Variants in CEACAM20 observed in about 807,000 individuals in gnomAD.
CEACAM20 encodes CEA cell adhesion molecule 20.
CEACAM20 carries 50 observed loss-of-function variants against 61.2 expected under a neutral mutation model. The ratio of observed to expected loss-of-function variants is 0.82; its 90% confidence interval spans 0.65 to 1.03. The LOEUF is 1.03. Ranked by LOEUF, CEACAM20 falls within the 50% of genes least tolerant of loss-of-function variation. CEACAM20 has a pLI of 0.00. For synonymous variants in CEACAM20, 282 were observed against 287.7 expected, an observed-to-expected ratio of 0.98 and a Z score of 0.20; for missense variants, 683 against 736.4, an observed-to-expected ratio of 0.93 and a Z score of 0.84.
intron 11 of CEACAM20, among the ~76,000 whole-genome samples, chr19:44,510,611 A>AGAAAGAAAGAAAGAAAGAAAGG (rs71171251): frequency 2.8e-5 from 2 of 72,382 alleles, no homozygotes; most frequent in African/African-American, 1.3e-4. Flanking sequence ...AAAGAAAGAA[A>AGAAAGAAAGAAAGAAAGAAAGG]AAGGAAGGAA....
chr19:44,529,424 C>T (rs772828809), intron 1 of CEACAM20, 34 bp downstream of exon 1: 1 of 1,604,018 alleles, frequency 6.2e-7, no homozygotes, highest in Non-Finnish European at 8.5e-7. Flanking sequence ...TACAACCTCC[C>T]TCCTCCCGCA....
chr19:44,519,557 C>T (rs1473206713), intron 5 of CEACAM20, among the ~76,000 whole-genome samples: 1 of 152,198 alleles, frequency 6.6e-6, no homozygotes, highest in African/African-American at 2.4e-5. Context: ...TGGTTCGTGA[C>T]TCCTACATCC....
chr19:44,509,804 A>G (rs1218120663), intron 11 of CEACAM20, among the ~76,000 whole-genome samples: 1 of 152,206 alleles, frequency 6.6e-6, no homozygotes, highest in East Asian at 1.9e-4. Context: ...GGAAAAAAGA[A>G]AAATTGAATG....
At position 44,522,635 on chromosome 19, in the gene CEACAM20, A is replaced by G; in HGVS notation, c.750T>C (p.Leu250=). The G allele has an allele frequency of 1.2e-6, 2 of 1,611,572 alleles. No homozygotes were observed. The highest frequency in any genetic ancestry group is 1.7e-6 in the Non-Finnish European group (2 of 1,178,244). ...GAGGAACCGGGAAAGGAGACTCACC[A>G]AGTACTCGGACCTTCAGAGTACCCA... is the stretch of plus-strand genomic sequence containing the variant. ...SSLGTLKVRV[L]ETLTMPQVVP... Residue 250 remains leucine, a splice_region_variant and synonymous_variant, in exon 4 of 12, where the codon CTT becomes CTC. Coordinates refer to ENST00000614924, the MANE Select transcript of CEACAM20 (RefSeq NM_001102597.3).
At chr19:44,526,547 C>T (rs1162507484) in intron 1 of CEACAM20, among the ~76,000 whole-genome samples, 1 of 150,466 alleles carries the variant, frequency 6.6e-6, no homozygotes, top group Admixed American at 6.7e-5. Flanking sequence ...TCCCAGTTTT[C>T]CATTTGATCA....
intron 6 of CEACAM20, 96 bp downstream of exon 6, chr19:44,516,850 A>G: frequency 1.4e-6 from 2 of 1,396,118 alleles, no homozygotes; most frequent in Non-Finnish European, 9.7e-7. Context: ...GGAGACTGCC[A>G]CACTCCAGCC....
intron 1 of CEACAM20, 86 bp from the exon 2 acceptor site, chr19:44,525,330 T>C (rs1276566858): frequency 8.9e-6 from 12 of 1,351,514 alleles, no homozygotes; most frequent in Non-Finnish European, 1.2e-5. Context: ...CAGGGAGCTC[T>C]GAGGCCATAG....
At chr19:44,516,647 G>C (rs1342750760) in intron 6 of CEACAM20, among the ~76,000 whole-genome samples, 1 of 152,184 alleles carries the variant, frequency 6.6e-6, no homozygotes, top group East Asian at 1.9e-4. Flanking sequence ...CCAGTCTTCA[G>C]CATGTCTTTA....
chr19:44,511,753 C>T, intron 9 of CEACAM20, 81 bp from the exon 10 acceptor site: 2 of 1,422,148 alleles, frequency 1.4e-6, no homozygotes, highest in South Asian at 1.2e-5. Flanking sequence ...ATAGCTTTGG[C>T]CTCAGAGGCA....
In CEACAM20 at chr19:44,517,024, C is replaced by T. The variant is rs756391229; in HGVS notation, c.1231G>A (p.Asp411Asn). The T allele has an allele frequency of 6.3e-6, 10 of 1,598,108 alleles. No homozygotes were observed. The highest frequency in any genetic ancestry group is 4.5e-5 in the East Asian group (2 of 44,314). ...LIIRALTWEH[D>N]GIYNCTASNS... ...GAGGCTGTGCAGTTGTAGATCCCGT[C>T]GTGTTCCCAGGTCAGAGCCCTGATA... The change falls in exon 6 of 12, where the codon GAC becomes AAC. Residue 411 changes from aspartate to asparagine, a missense_variant. Coordinates refer to ENST00000614924, the MANE Select transcript of CEACAM20 (RefSeq NM_001102597.3).
Position 44,517,110 on chromosome 19 carries a change from C to T in CEACAM20, c.1145G>A (p.Gly382Asp). Residue 382 changes from glycine to aspartate, a missense_variant, in exon 6 of 12, where the codon GGT (glycine) becomes GAT (aspartate). By Grantham distance (94) the Gly-to-Asp change is moderately conservative. Coordinates refer to ENST00000614924, the MANE Select transcript of CEACAM20 (RefSeq NM_001102597.3). ...TTCAAGAGTCCAGCGATACTCAGCA[C>T]CTGGCTTGGACTCGGCCCAACACTG... ...TLQCWAESKPGAEYRWTLEHS... is the reference protein window; with the variant it reads ...TLQCWAESKPDAEYRWTLEHS... 1 of 1,613,024 alleles carries T rather than the reference C, an allele frequency of 6.2e-7. No homozygotes were observed.
intron 6 of CEACAM20, among the ~76,000 whole-genome samples, chr19:44,514,365 A>G (rs1971094076): frequency 6.6e-6 from 1 of 152,080 alleles, no homozygotes; most frequent in Non-Finnish European, 1.5e-5. Context: ...AAGGATCAGG[A>G]GGGTGAGGAA....
intron 1 of CEACAM20, 77 bp downstream of exon 1, chr19:44,529,378 ACAC>A: frequency 4.0e-6 from 5 of 1,263,946 alleles, no homozygotes; most frequent in Non-Finnish European, 5.8e-6. Flanking sequence ...ACACACACAC[ACAC>A]ACACACACAC....
intron 5 of CEACAM20, among the ~76,000 whole-genome samples, chr19:44,517,716 A>G (rs1017063180): frequency 6.6e-6 from 1 of 151,596 alleles, no homozygotes; most frequent in South Asian, 2.1e-4. Context: ...AAAAAAAGAA[A>G]AAAAACTGCC....
intron 6 of CEACAM20, among the ~76,000 whole-genome samples, chr19:44,515,208 A>G (rs1031910270): frequency 2.2e-5 from 3 of 138,580 alleles, no homozygotes; most frequent in African/African-American, 8.0e-5. Context: ...TACATACCAG[A>G]TGCTTGACAA....
intron 11 of CEACAM20, among the ~76,000 whole-genome samples, chr19:44,507,335 C>G (rs1349931430): frequency 6.6e-6 from 1 of 152,162 alleles, no homozygotes; most frequent in Non-Finnish European, 1.5e-5. Context: ...CAGTTCAAAG[C>G]TGATTAGAGA....
intron 11 of CEACAM20, 149 bp from the exon 12 acceptor site, chr19:44,506,363 C>G: frequency 6.1e-6 from 4 of 655,784 alleles, no homozygotes; most frequent in Non-Finnish European, 1.1e-5. Context: ...TTTAGTAACC[C>G]TGGCACATCT....
At position 44,525,208 on chromosome 19, in the gene CEACAM20, G is replaced by T; in HGVS notation, c.89C>A (p.Ala30Asp). Reference protein sequence around the residue: ...LCTVWSPPAAAQLTLNANPLD... With the variant: ...LCTVWSPPAADQLTLNANPLD... ...TGGGTTGGCATTGAGGGTGAGCTGGGCTGCAGCTGGAGGACTCCATACGGT... is the reference window on the plus strand; with the variant it reads ...TGGGTTGGCATTGAGGGTGAGCTGGTCTGCAGCTGGAGGACTCCATACGGT... The change falls in exon 2 of 12, where the codon GCC becomes GAC. Residue 30 changes from alanine (A) to aspartate (D), a missense_variant. By Grantham distance (126) the Ala-to-Asp change is moderately radical (BLOSUM62 -2). Transcript: ENST00000614924. 6.2e-7 allele frequency: 1 copy of T among 1,608,512 alleles called. No individual in the cohort carries two copies. The highest frequency in any genetic ancestry group is 8.5e-7 in the Non-Finnish European group (1 of 1,177,770).
intron 1 of CEACAM20, among the ~76,000 whole-genome samples, chr19:44,528,231 CTTCT>C (rs1314783040): frequency 7.3e-5 from 10 of 136,558 alleles, no homozygotes; most frequent in Admixed American, 1.5e-4. Flanking sequence ...CTCTTTCTTT[CTTCT>C]TTTTCTTTTT....
Sources: gnomAD v4.1 joint callset for allele counts (sites outside exome capture counted in the v4.1 genomes callset) on GRCh38, gnomAD v4.1.1 for gene constraint, MANE v1.5 for transcripts, NCBI Gene and HGNC (gene_info 2026-07-23, HGNC 2026-07-21) for gene names.